C1orf167: variants seen among roughly 807,000 people sequenced by gnomAD.
The protein encoded by C1orf167 is uncharacterized protein C1orf167.
Under a neutral mutation model 176.5 loss-of-function variants are expected in C1orf167, and 153 were observed. That is an observed-to-expected ratio of 0.87 (90% confidence interval 0.76 to 0.99). The LOEUF (loss-of-function observed/expected upper bound fraction) is 0.99, where lower values mean the gene tolerates loss of function less well. C1orf167 is among the 50% of genes least tolerant of loss of function. The pLI, the probability that C1orf167 is intolerant of heterozygous loss-of-function variation, is 0.00. For synonymous variants in C1orf167, 594 were observed against 752.7 expected, an observed-to-expected ratio of 0.79 and a Z score of 3.45; for missense variants, 1,490 against 1,817.7, an observed-to-expected ratio of 0.82 and a Z score of 3.28.
At position 11,779,689 on chromosome 1, in the gene C1orf167, G is replaced by A. The variant is rs913375980; in HGVS notation, c.2652-113G>A. The stretch of plus-strand genomic sequence containing the variant: ...ACCCTCCCATAATGGAAACAGAAGA[G>A]TCACCCAGAGCCTCCTGCTGCTGGG... On this transcript the variant is annotated intron_variant, in intron 12 of 20. Coordinates refer to ENST00000688073, the MANE Select transcript of C1orf167 (RefSeq NM_001010881.2). 14 of 815,776 alleles carry A rather than the reference G, an allele frequency of 1.7e-5. No homozygotes were observed. In the African/African-American group the frequency reaches 2.3e-4, roughly 14 times the overall value. The allele number at this position is 815,776 out of a possible 1,614,324, so 50.5% of individuals were successfully genotyped here. A position where few individuals can be genotyped will look rare whatever the true frequency, so the allele number is the denominator to read the frequency against.
intron 2 of C1orf167, among the ~76,000 whole-genome samples, chr1:11,764,947 G>A (rs1368813949): frequency 1.3e-5 from 2 of 151,182 alleles, no homozygotes; most frequent in African/African-American, 2.4e-5. Flanking sequence ...CCAGCTACTC[G>A]GGAGGCTGCA....
chr1:11,788,799 T>G (rs1162212420), intron 20 of C1orf167, 53 bp downstream of exon 20: 1 of 1,291,878 alleles, frequency 7.7e-7, no homozygotes, highest in African/African-American at 1.5e-5. Flanking sequence ...TCAGCCAGCC[T>G]TCCAGAAGTC....
chr1:11,765,918 G>T lies in C1orf167; in HGVS notation c.132G>T (p.Val44=), dbSNP rs1187008748. The change falls in exon 3 of 21, where the codon GTG becomes GTT. Residue 44 remains valine (V), a synonymous_variant. Transcript: ENST00000688073. ...TGAGTGGTAGACATGACCAGTGGGT[G>T]CCCGGGTGCCAGGTGGAGAGGGGAG... The part of the protein sequence containing the change: ...IGLSGRHDQW[V]PGCQVERGGP... 3.2e-6 allele frequency: 4 copies of T among 1,233,650 alleles called. No homozygotes were observed. Among genetic ancestry groups the T allele is most frequent in the South Asian group, 2.8e-5 (2 of 71,346 alleles). 76.4% of individuals were successfully genotyped at this position (1,233,650 alleles called of 1,614,324 possible).
rs1003170371 is a variant in C1orf167, at chr1:11,768,573, G to T, written c.1542+298G>T. Among the ~76,000 whole-genome samples, 3 of 152,090 alleles carry T rather than the reference G, an allele frequency of 2.0e-5. No homozygotes were observed. The East Asian group carries it at 5.8e-4, about 29-fold the overall frequency. Reference sequence around the variant, plus strand: ...GATAATAGAACATACCTCTCTCAGGGTCGTTGTGAGATTAAATTAATAAGG... The same window carrying T: ...GATAATAGAACATACCTCTCTCAGGTTCGTTGTGAGATTAAATTAATAAGG... On this transcript the variant is annotated intron_variant, in intron 5 of 20. Coordinates refer to ENST00000688073, the MANE Select transcript of C1orf167 (RefSeq NM_001010881.2). This position sits in a 1 kb window ranked among gnomAD's most constrained non-coding sequence, Gnocchi z 4.5.
chr1:11,762,881 T>A (rs1207926814), intron 1 of C1orf167, among the ~76,000 whole-genome samples: 1 of 152,156 alleles, frequency 6.6e-6, no homozygotes, highest in African/African-American at 2.4e-5. Context: ...ATACACTAAT[T>A]TCTTCACTAT....
chr1:11,775,977 G>A (rs564457217), intron 9 of C1orf167, among the ~76,000 whole-genome samples: 1 of 152,228 alleles, frequency 6.6e-6, no homozygotes, highest in Non-Finnish European at 1.5e-5. Context: ...TTAACTGGGG[G>A]CCCGGTGTAG....
intron 10 of C1orf167, 200 bp from the exon 11 acceptor site, chr1:11,778,460 C>T: frequency 2.9e-6 from 1 of 340,946 alleles, no homozygotes; most frequent in South Asian, 2.6e-5. Flanking sequence ...GCATCGGTAC[C>T]TCTTGAAGCC....
At chr1:11,788,957 G>A in intron 20 of C1orf167, 1 of 393,568 alleles carries the variant, frequency 2.5e-6, no homozygotes, top group Non-Finnish European at 4.7e-6. Flanking sequence ...CTCAGGCCAG[G>A]CCCACCCGGT....
chr1:11,785,350 C>T, intron 16 of C1orf167, 61 bp downstream of exon 16: 1 of 1,225,822 alleles, frequency 8.2e-7, no homozygotes, highest in Non-Finnish European at 1.1e-6. Flanking sequence ...CAGGGGGAGC[C>T]TGCTGCTGGA....
chr1:11,764,613 A>G, intron 2 of C1orf167, 143 bp downstream of exon 2: 1 of 601,036 alleles, frequency 1.7e-6, no homozygotes, highest in East Asian at 6.8e-5. Flanking sequence ...GGCTGGACAT[A>G]GGACAGAGTC....
At chr1:11,782,918 CAAAAA>C (rs70983597) in intron 14 of C1orf167, among the ~76,000 whole-genome samples, 1 of 104,930 alleles carries the variant, frequency 9.5e-6, no homozygotes, top group Non-Finnish European at 1.9e-5. Flanking sequence ...GACTCCATCT[CAAAAA>C]AAAAAAAAAA....
rs376756621 is a variant in C1orf167, at chr1:11,785,144, G to A, written c.3426-4G>A. 65 of 1,284,548 alleles carry A rather than the reference G, an allele frequency of 5.1e-5. No individual in the cohort carries two copies. The highest frequency in any genetic ancestry group is 2.8e-4 in the East Asian group (5 of 17,730). The allele number at this position is 1,284,548 out of a possible 1,614,324, so 79.6% of individuals were successfully genotyped here. A position where few individuals can be genotyped will look rare whatever the true frequency, so the allele number is the denominator to read the frequency against. On this transcript the variant is annotated splice_region_variant and splice_polypyrimidine_tract_variant and intron_variant, in intron 15 of 20. Coordinates refer to ENST00000688073, the MANE Select transcript of C1orf167 (RefSeq NM_001010881.2). ...CTGGCTGCAGACTCCTTCCTCTCCC[G>A]CAGGGTCCTAGAGGCCTCGGTGCAG... is the stretch of plus-strand genomic sequence containing the variant.
intron 20 of C1orf167, 192 bp downstream of exon 20, chr1:11,788,938 T>C (rs1413458905): frequency 1.2e-5 from 5 of 422,366 alleles, no homozygotes; most frequent in South Asian, 7.9e-5. Context: ...CTTTGATTTG[T>C]GGCCCCAGCT....
chr1:11,773,654 G>C (rs1018759238), intron 8 of C1orf167, among the ~76,000 whole-genome samples: 4 of 152,150 alleles, frequency 2.6e-5, no homozygotes, highest in African/African-American at 7.2e-5. Context: ...GTTGCAGTGA[G>C]CCGAGATCGT....
intron 1 of C1orf167, among the ~76,000 whole-genome samples, chr1:11,763,096 G>A (rs1570364631): frequency 6.6e-6 from 1 of 152,190 alleles, no homozygotes; most frequent in Admixed American, 6.5e-5. Flanking sequence ...GAGGACAGTG[G>A]GCAAGGGGAA....
Position 11,766,914 on chromosome 1 carries a change from G to T in C1orf167, c.1128G>T (p.Gly376=), listed in dbSNP as rs368759971. Residue 376 remains glycine (G), a synonymous_variant, in exon 3 of 21, where the codon GGG becomes GGT. Transcript: ENST00000688073. This position sits in a 1 kb window ranked among gnomAD's most constrained non-coding sequence, Gnocchi z 4.5. ...AQRGDPSLPR[G]VGSRGTDPCS... ...GGGGTGACCCCAGTCTCCCTCGAGG[G>T]GTGGGAAGCAGGGGGACCGACCCCT... 4.9e-6 allele frequency: 6 copies of T among 1,225,614 alleles called. No individual in the cohort carries two copies. The highest frequency in any genetic ancestry group is 5.7e-5 in the East Asian group (1 of 17,420). 75.9% of individuals were successfully genotyped at this position (1,225,614 alleles called of 1,614,324 possible). A position where few individuals can be genotyped will look rare whatever the true frequency, so the allele number is the denominator to read the frequency against.
intron 14 of C1orf167, among the ~76,000 whole-genome samples, chr1:11,782,957 G>A (rs892812684): frequency 1.3e-5 from 2 of 151,396 alleles, no homozygotes; most frequent in East Asian, 1.9e-4. Context: ...TCCACTCCTC[G>A]GAAATCTACC....
chr1:11,773,770 A>G (rs1643188233), intron 8 of C1orf167, among the ~76,000 whole-genome samples: 1 of 152,200 alleles, frequency 6.6e-6, no homozygotes, highest in African/African-American at 2.4e-5. Context: ...CAACTAAAAA[A>G]TAATGAAACA....
At chr1:11,778,889 G>T (rs1314057878) in intron 11 of C1orf167, 37 bp from the exon 12 acceptor site, 1 of 1,299,082 alleles carries the variant, frequency 7.7e-7, no homozygotes, top group African/African-American at 1.5e-5. Context: ...GAAGGGGACA[G>T]GGTAGGGGAC....
Sources: allele counts gnomAD v4.1 joint callset (sites outside exome capture counted in the v4.1 genomes callset), GRCh38; gene constraint gnomAD v4.1.1; non-coding constraint Gnocchi (gnomAD v3.1); transcripts MANE v1.5; gene names NCBI Gene and HGNC (gene_info 2026-07-23, HGNC 2026-07-21).